GRIK1: variants seen among roughly 807,000 people sequenced by gnomAD.
GRIK1 encodes glutamate ionotropic receptor kainate type subunit 1, also known as glutamate receptor ionotropic, kainate 1.
GRIK1 carries 69 observed loss-of-function variants against 105.7 expected under a neutral mutation model. That is an observed-to-expected ratio of 0.65 (90% CI 0.54 to 0.80). The LOEUF (loss-of-function observed/expected upper bound fraction) is 0.80. Ranked by LOEUF, GRIK1 falls within the 30% of genes least tolerant of loss-of-function variation. The pLI, the probability that GRIK1 is intolerant of heterozygous loss-of-function variation, is 0.00. For synonymous variants in GRIK1, 438 were observed against 431.3 expected (o/e 1.02, Z -0.19); for missense variants, 1,109 against 1,167.3 (o/e 0.95, Z 0.73).
chr21:29,838,771 T>C (rs1183773703), intron 1 of GRIK1, among the ~76,000 whole-genome samples: 3 of 152,170 alleles, frequency 2.0e-5, no homozygotes, highest in Admixed American at 1.3e-4. Flanking sequence ...TCTCTTGTAA[T>C]AAAATAACAG....
intron 1 of GRIK1, among the ~76,000 whole-genome samples, chr21:29,695,924 AG>A (rs1368218510): frequency 6.6e-6 from 1 of 152,244 alleles, no homozygotes; most frequent in Non-Finnish European, 1.5e-5. Flanking sequence ...ATATAGAAAA[AG>A]TCTGAAACGA....
At chr21:29,819,484 T>A (rs1200460739) in intron 1 of GRIK1, among the ~76,000 whole-genome samples, 1 of 152,080 alleles carries the variant, frequency 6.6e-6, no homozygotes, top group Non-Finnish European at 1.5e-5. Flanking sequence ...TGTGTCTGTG[T>A]GTGTGTGTGT....
intron 1 of GRIK1, among the ~76,000 whole-genome samples, chr21:29,793,492 T>TC (rs2145829349): frequency 6.8e-6 from 1 of 147,112 alleles, no homozygotes; most frequent in African/African-American, 2.5e-5. Context: ...CCCTGCCCCT[T>TC]CCCCTTTTCC....
chr21:29,818,727 AG>A (rs1313450623), intron 1 of GRIK1, among the ~76,000 whole-genome samples: 2 of 152,228 alleles, frequency 1.3e-5, no homozygotes, highest in Non-Finnish European at 1.5e-5. Flanking sequence ...GGATTCTGAC[AG>A]ATTTGTTCCT....
intron 1 of GRIK1, among the ~76,000 whole-genome samples, chr21:29,728,814 A>T (rs1308969324): frequency 6.6e-6 from 1 of 152,218 alleles, no homozygotes; most frequent in Non-Finnish European, 1.5e-5. Flanking sequence ...TAAAATATGC[A>T]TCTGACCTAA....
chr21:29,704,801 T>G (rs1271002870), intron 1 of GRIK1, among the ~76,000 whole-genome samples: 3 of 152,210 alleles, frequency 2.0e-5, no homozygotes, highest in Non-Finnish European at 4.4e-5. Flanking sequence ...AAGCATACTT[T>G]TCATCAGGCT....
At chr21:29,611,374 T>C (rs1425165702) in intron 7 of GRIK1, among the ~76,000 whole-genome samples, 1 of 152,226 alleles carries the variant, frequency 6.6e-6, no homozygotes, top group African/African-American at 2.4e-5. Flanking sequence ...TCATTTCCAT[T>C]AGCTTCTCCT....
intron 1 of GRIK1, among the ~76,000 whole-genome samples, chr21:29,699,440 A>G (rs913160083): frequency 2.6e-5 from 4 of 152,156 alleles, no homozygotes; most frequent in Non-Finnish European, 4.4e-5. Flanking sequence ...GTGAGGGCCA[A>G]GCAAGAAGGA....
chr21:29,553,561 A>G (rs754985617), intron 16 of GRIK1: 1 of 1,573,384 alleles, frequency 6.4e-7, no homozygotes. Flanking sequence ...CTGATTACAC[A>G]GTATGAACTG....
At chr21:29,807,085 G>T (rs1424822410) in intron 1 of GRIK1, among the ~76,000 whole-genome samples, 1 of 152,126 alleles carries the variant, frequency 6.6e-6, no homozygotes, top group Non-Finnish European at 1.5e-5. Context: ...TTTCAGCAGG[G>T]TTTGAACACA....
intron 1 of GRIK1, among the ~76,000 whole-genome samples, chr21:29,887,235 GCA>G (rs2069662466): frequency 6.6e-6 from 1 of 152,106 alleles, no homozygotes; most frequent in African/African-American, 2.4e-5. Flanking sequence ...CATTTTTGTT[GCA>G]TCCCAAAAAT....
At chr21:29,558,927 G>A (rs961063923) in intron 15 of GRIK1, among the ~76,000 whole-genome samples, 7 of 152,068 alleles carry the variant, frequency 4.6e-5, no homozygotes, top group Non-Finnish European at 1.0e-4. Context: ...CCATGCTGTA[G>A]AAGGAATGTC....
At chr21:29,638,167 T>A (rs1019416799) in intron 7 of GRIK1, among the ~76,000 whole-genome samples, 11 of 151,678 alleles carry the variant, frequency 7.3e-5, no homozygotes, top group South Asian at 4.1e-4. Context: ...TTTTTTTAAA[T>A]AAAGGAAAGA....
At chr21:29,782,341 C>T (rs1008115964) in intron 1 of GRIK1, among the ~76,000 whole-genome samples, 1 of 152,164 alleles carries the variant, frequency 6.6e-6, no homozygotes, top group Non-Finnish European at 1.5e-5. Context: ...CCTCCTTGGC[C>T]TCCCAAAGTG....
At chr21:29,542,546 G>T (rs2089988918) in intron 16 of GRIK1, among the ~76,000 whole-genome samples, 1 of 152,124 alleles carries the variant, frequency 6.6e-6, no homozygotes, top group African/African-American at 2.4e-5. Flanking sequence ...ATAAAGCTCT[G>T]GGCAAGAATT....
At chr21:29,684,517 T>A (rs1601446299) in intron 3 of GRIK1, among the ~76,000 whole-genome samples, 1 of 152,190 alleles carries the variant, frequency 6.6e-6, no homozygotes, top group Non-Finnish European at 1.5e-5. Flanking sequence ...CAATTACTTT[T>A]TTTTTTTGAG....
Position 29,591,112 on chromosome 21 carries a change from C to A in GRIK1, c.1365G>T (p.Leu455=). Residue 455 remains leucine (L), a splice_region_variant and synonymous_variant, in exon 10 of 18, where the codon CTG becomes CTT. Transcript: ENST00000327783. Reference sequence around the variant, plus strand: ...CCTCAATTCCATGAAGTCAACTTACCAGAATGGTGGTGACAATGAGTGTTC... The same window carrying A: ...CCTCAATTCCATGAAGTCAACTTACAAGAATGGTGGTGACAATGAGTGTTC... ...ANRTLIVTTI[L]EEPYVMYRKS... 1 of 1,523,588 alleles carries A rather than the reference C, an allele frequency of 6.6e-7. No homozygotes were observed. Among genetic ancestry groups the A allele is most frequent in the Non-Finnish European group, 9.1e-7 (1 of 1,097,254 alleles). The allele number at this position is 1,523,588 out of a possible 1,614,324, so 94.4% of individuals were successfully genotyped here.
At chr21:29,917,004 G>C (rs1312880113) in intron 1 of GRIK1, among the ~76,000 whole-genome samples, 2 of 151,934 alleles carry the variant, frequency 1.3e-5, no homozygotes. Context: ...TCCAGAAAAA[G>C]TAATGACGTT....
chr21:29,713,326 T>G (rs2064102472), intron 1 of GRIK1, among the ~76,000 whole-genome samples: 1 of 152,202 alleles, frequency 6.6e-6, no homozygotes, highest in Non-Finnish European at 1.5e-5. Flanking sequence ...TTTAAACTAA[T>G]TTGATTTGGA....
Sources: gnomAD v4.1 joint callset for allele counts (sites outside exome capture counted in the v4.1 genomes callset) on GRCh38, gnomAD v4.1.1 for gene constraint, MANE v1.5 for transcripts, NCBI Gene and HGNC (gene_info 2026-07-23, HGNC 2026-07-21) for gene names.